The following ZNF438 variants were observed in gnomAD, a reference collection of about 807,000 sequenced individuals.
ZNF438 encodes zinc finger protein 438.
In ZNF438, 25 loss-of-function variants were observed where a neutral mutation model predicts 38.0. That is an observed-to-expected ratio of 0.66 (90% CI 0.48 to 0.92). The LOEUF is 0.92. ZNF438 is among the 40% of genes least tolerant of loss of function. The pLI, the probability that ZNF438 is intolerant of heterozygous loss-of-function variation, is 0.00. For synonymous variants in ZNF438, 372 were observed against 364.1 expected, an observed-to-expected ratio of 1.02 and a Z score of -0.25; for missense variants, 1,007 against 999.6, an observed-to-expected ratio of 1.01 and a Z score of -0.10.
chr10:30,974,000 C>A (rs1289887687), intron 1 of ZNF438, among the ~76,000 whole-genome samples: 1 of 152,204 alleles, frequency 6.6e-6, no homozygotes, highest in Non-Finnish European at 1.5e-5. Flanking sequence ...CGTTTCACCA[C>A]TCAGGAGTTC....
At chr10:30,880,641 T>C (rs2133782514) in intron 3 of ZNF438, among the ~76,000 whole-genome samples, 1 of 152,182 alleles carries the variant, frequency 6.6e-6, no homozygotes, top group South Asian at 2.1e-4. Flanking sequence ...AAATGTTTAC[T>C]ATCTAAAAAG....
At chr10:30,915,014 C>A (rs917940392) in intron 2 of ZNF438, among the ~76,000 whole-genome samples, 2 of 151,866 alleles carry the variant, frequency 1.3e-5, no homozygotes, top group Non-Finnish European at 2.9e-5. Context: ...TTTTTAAAAT[C>A]AAGGAACTTT....
At chr10:30,943,538 A>G (rs1344449989) in intron 1 of ZNF438, among the ~76,000 whole-genome samples, 3 of 152,224 alleles carry the variant, frequency 2.0e-5, no homozygotes, top group African/African-American at 7.2e-5. Flanking sequence ...GGCATAACTG[A>G]GACAGTTAAA....
At chr10:30,857,607 A>C (rs2034882296) in intron 4 of ZNF438, 78 of 1,201,972 alleles carry the variant, frequency 6.5e-5, no homozygotes, top group Middle Eastern at 1.9e-4. Flanking sequence ...CCCACTTATT[A>C]GAGATAACTC....
chr10:30,873,830 C>G (rs570525417), intron 4 of ZNF438, among the ~76,000 whole-genome samples: 5 of 152,102 alleles, frequency 3.3e-5, no homozygotes, highest in African/African-American at 9.7e-5. Flanking sequence ...TATGTTAGTA[C>G]AGCATATTTT....
chr10:30,857,098 C>G (rs1049268932), intron 4 of ZNF438, among the ~76,000 whole-genome samples: 1 of 152,106 alleles, frequency 6.6e-6, no homozygotes, highest in Admixed American at 6.5e-5. Flanking sequence ...CTGTCCCACT[C>G]CAATTTGAAG....
chr10:31,011,440 A>C (rs1417616713), intron 1 of ZNF438, among the ~76,000 whole-genome samples: 1 of 152,210 alleles, frequency 6.6e-6, no homozygotes, highest in African/African-American at 2.4e-5. Flanking sequence ...GAAAACCTAG[A>C]TCTAGAGGAA....
intron 1 of ZNF438, among the ~76,000 whole-genome samples, chr10:30,941,957 C>T (rs1302127846): frequency 6.6e-6 from 1 of 152,170 alleles, no homozygotes; most frequent in Non-Finnish European, 1.5e-5. Context: ...ATTTAGCTGG[C>T]ATTTGTGCCC....
intron 1 of ZNF438, among the ~76,000 whole-genome samples, chr10:30,978,701 T>C (rs2051729111): frequency 6.6e-6 from 1 of 152,246 alleles, no homozygotes; most frequent in African/African-American, 2.4e-5. Flanking sequence ...ACTTCTGATA[T>C]ACTAACCTAG....
intron 2 of ZNF438, among the ~76,000 whole-genome samples, chr10:30,924,125 C>T (rs947796546): frequency 6.6e-6 from 1 of 152,056 alleles, no homozygotes; most frequent in African/African-American, 2.4e-5. Flanking sequence ...TTGCAGATAC[C>T]ATCTTAACCA....
chr10:30,907,417 G>A (rs2042688033), intron 3 of ZNF438, among the ~76,000 whole-genome samples: 2 of 152,126 alleles, frequency 1.3e-5, no homozygotes, highest in South Asian at 4.1e-4. Flanking sequence ...GTATTTTTTG[G>A]AGAAGTTTGT....
At chr10:30,956,300 T>G (rs2048854428) in intron 1 of ZNF438, among the ~76,000 whole-genome samples, 1 of 152,240 alleles carries the variant, frequency 6.6e-6, no homozygotes, top group African/African-American at 2.4e-5. Flanking sequence ...AAACTATGTT[T>G]ACGTAAATAT....
intron 3 of ZNF438, among the ~76,000 whole-genome samples, chr10:30,895,664 C>G (rs1026229230): frequency 4.6e-5 from 7 of 152,122 alleles, no homozygotes; most frequent in African/African-American, 7.2e-5. Context: ...CTCAACAAAA[C>G]CCAAATAACC....
At chr10:30,854,053 C>T (rs2034172459) in intron 4 of ZNF438, among the ~76,000 whole-genome samples, 1 of 152,152 alleles carries the variant, frequency 6.6e-6, no homozygotes, top group Non-Finnish European at 1.5e-5. Context: ...GGCACGGTGG[C>T]TCACGCCTGT....
chr10:30,911,154 C>G (rs2043040379), intron 2 of ZNF438, among the ~76,000 whole-genome samples: 1 of 151,854 alleles, frequency 6.6e-6, no homozygotes, highest in Non-Finnish European at 1.5e-5. Flanking sequence ...GTAAGGTTTA[C>G]AAAAAAATAT....
In ZNF438 at chr10:30,868,312, C is replaced by G. The variant is rs527488262; in HGVS notation, c.37+8686G>C. On this transcript the variant is annotated intron_variant, in intron 4 of 5. Transcript: ENST00000413025. Reference sequence around the variant, plus strand: ...TTTTGAACTCCTGACCGCAGGTGATCCGCCCGCCTCAGCCTCCCAAAGTGC... The same window carrying G: ...TTTTGAACTCCTGACCGCAGGTGATGCGCCCGCCTCAGCCTCCCAAAGTGC... Among the ~76,000 whole-genome samples the G allele has an allele frequency of 6.8e-4, 103 of 152,170 alleles. 1 individual carries two copies. The South Asian group carries it at 7.3e-3, about 11-fold the overall frequency.
intron 2 of ZNF438, among the ~76,000 whole-genome samples, chr10:30,933,220 A>G (rs1180487817): frequency 6.6e-6 from 1 of 152,186 alleles, no homozygotes; most frequent in Non-Finnish European, 1.5e-5. Flanking sequence ...TTCTGTTCAA[A>G]GAAAAACAAC....
At chr10:30,904,079 T>C (rs1312816842) in intron 3 of ZNF438, among the ~76,000 whole-genome samples, 2 of 151,652 alleles carry the variant, frequency 1.3e-5, no homozygotes, top group East Asian at 1.9e-4. Flanking sequence ...GCAAAATTCA[T>C]CTGGCAAATA....
At chr10:31,015,794 C>T (rs554808898) in intron 1 of ZNF438, among the ~76,000 whole-genome samples, 48 of 152,352 alleles carry the variant, frequency 3.2e-4, no homozygotes, top group Non-Finnish European at 5.9e-4. Context: ...GATCATGGCG[C>T]TGGCATTGTC....
Sources: gnomAD v4.1 joint callset for allele counts (sites outside exome capture counted in the v4.1 genomes callset) on GRCh38, gnomAD v4.1.1 for gene constraint, MANE v1.5 for transcripts, NCBI Gene and HGNC (gene_info 2026-07-23, HGNC 2026-07-21) for gene names.